IL1RAPL1: variants seen among roughly 807,000 people sequenced by gnomAD.
IL1RAPL1 encodes the protein interleukin 1 receptor accessory protein like 1.
IL1RAPL1 carries 3 observed loss-of-function variants against 48.4 expected under a neutral mutation model. The observed-to-expected ratio is 0.06, with a 90% CI of 0.03 to 0.16. The LOEUF (loss-of-function observed/expected upper bound fraction) is 0.16. Ranked by LOEUF, IL1RAPL1 falls within the 10% of genes least tolerant of loss-of-function variation. The pLI is 1.00. For synonymous variants in IL1RAPL1, 185 were observed against 187.7 expected (o/e 0.99, Z 0.12); for missense variants, 349 against 530.6 (o/e 0.66, Z 3.36).
chrX:28,825,253 A>G (rs184757095), intron 2 of IL1RAPL1, among the ~76,000 whole-genome samples: 1 of 111,836 alleles, frequency 8.9e-6, no homozygotes, highest in Non-Finnish European at 1.9e-5. Flanking sequence ...TGAAGTTGTC[A>G]TGAAAAGGCA....
chrX:29,016,298 A>G (rs1337239088), intron 2 of IL1RAPL1, among the ~76,000 whole-genome samples: 1 of 111,744 alleles, frequency 8.9e-6, no homozygotes, highest in Non-Finnish European at 1.9e-5. Flanking sequence ...TGGCTAATAT[A>G]TAGCTTATAG....
intron 6 of IL1RAPL1, among the ~76,000 whole-genome samples, chrX:29,764,829 T>A (rs1334912243): frequency 8.9e-6 from 1 of 111,832 alleles, no homozygotes; most frequent in Non-Finnish European, 1.9e-5. Context: ...GATGAGGAAG[T>A]CCATTTTATG....
chrX:28,800,822 A>C (rs1277746357), intron 2 of IL1RAPL1, among the ~76,000 whole-genome samples: 1 of 109,799 alleles, frequency 9.1e-6, no homozygotes, highest in Non-Finnish European at 1.9e-5. Context: ...TCAGTATATT[A>C]AAGGGCCTTT....
At chrX:28,780,608 A>G (rs1022168312) in intron 1 of IL1RAPL1, among the ~76,000 whole-genome samples, 3 of 110,558 alleles carry the variant, frequency 2.7e-5, no homozygotes, top group African/African-American at 6.6e-5. Flanking sequence ...ATATAATTTG[A>G]TCCTTTAAAA....
intron 2 of IL1RAPL1, among the ~76,000 whole-genome samples, chrX:29,090,073 C>T (rs1300629688): frequency 9.2e-6 from 1 of 108,310 alleles, no homozygotes; most frequent in Non-Finnish European, 1.9e-5. Flanking sequence ...GTCATCTCAA[C>T]ATTACTGCAT....
intron 2 of IL1RAPL1, among the ~76,000 whole-genome samples, chrX:28,981,436 A>G (rs1490996448): frequency 9.0e-6 from 1 of 111,225 alleles, no homozygotes; most frequent in Non-Finnish European, 1.9e-5. Context: ...TATTTTTTCT[A>G]TTATGCCATA....
chrX:28,805,809 C>T (rs1280829678), intron 2 of IL1RAPL1, among the ~76,000 whole-genome samples: 2 of 110,424 alleles, frequency 1.8e-5, no homozygotes, highest in African/African-American at 3.3e-5. Flanking sequence ...ATAGTATAAG[C>T]TCGTTGAGTA....
intron 1 of IL1RAPL1, among the ~76,000 whole-genome samples, chrX:28,732,214 G>C (rs899428909): frequency 1.8e-5 from 2 of 112,290 alleles, no homozygotes; most frequent in Non-Finnish European, 3.8e-5. Flanking sequence ...CAAATTATGA[G>C]ATCGTTAAAT....
chrX:29,591,779 C>T (rs1305813341), intron 5 of IL1RAPL1, among the ~76,000 whole-genome samples: 1 of 112,711 alleles, frequency 8.9e-6, no homozygotes, highest in Non-Finnish European at 1.9e-5. Context: ...CCCAAGTGGA[C>T]TCAATCTTTG....
intron 2 of IL1RAPL1, among the ~76,000 whole-genome samples, chrX:28,838,429 C>T (rs1470794889): frequency 2.7e-5 from 3 of 110,461 alleles, no homozygotes; most frequent in Non-Finnish European, 5.7e-5. Flanking sequence ...TGGAAATAAC[C>T]GGAAGTAAAA....
At chrX:29,837,105 AAAAC>A (rs1931024382) in intron 6 of IL1RAPL1, among the ~76,000 whole-genome samples, 1 of 106,785 alleles carries the variant, frequency 9.4e-6, no homozygotes, top group Non-Finnish European at 1.9e-5. Flanking sequence ...TAAAAATACA[AAAAC>A]AAAATTAGCC....
At chrX:29,133,646 A>G (rs1173142213) in intron 2 of IL1RAPL1, among the ~76,000 whole-genome samples, 1 of 111,783 alleles carries the variant, frequency 8.9e-6, no homozygotes, top group African/African-American at 3.2e-5. Flanking sequence ...TAAATTTGTT[A>G]CAATTGATGG....
At chrX:28,798,440 A>C (rs1235574813) in intron 2 of IL1RAPL1, among the ~76,000 whole-genome samples, 1 of 111,279 alleles carries the variant, frequency 9.0e-6, no homozygotes, top group Non-Finnish European at 1.9e-5. Flanking sequence ...TGACCCTTCT[A>C]CCTCTCTCTT....
intron 2 of IL1RAPL1, among the ~76,000 whole-genome samples, chrX:28,918,209 A>G (rs1022804668): frequency 4.5e-5 from 5 of 112,080 alleles, no homozygotes; most frequent in African/African-American, 1.6e-4. Context: ...ATATCTTATT[A>G]TATTAAACAT....
At chrX:28,982,182 G>A (rs1404840040) in intron 2 of IL1RAPL1, among the ~76,000 whole-genome samples, 1 of 111,755 alleles carries the variant, frequency 8.9e-6, no homozygotes, top group Non-Finnish European at 1.9e-5. Context: ...TTCAGTGTAG[G>A]TGCTGTGTAT....
At chrX:29,824,148 A>G (rs141945107) in intron 6 of IL1RAPL1, among the ~76,000 whole-genome samples, 2,430 of 111,589 alleles carry the variant, frequency 0.022, 73 homozygotes, top group African/African-American at 0.073. Flanking sequence ...CTGTTTTGAT[A>G]AGCTCCACTA....
At chrX:29,239,302 T>C (rs1009996624) in intron 2 of IL1RAPL1, among the ~76,000 whole-genome samples, 4 of 112,489 alleles carry the variant, frequency 3.6e-5, no homozygotes, top group Non-Finnish European at 7.5e-5. Context: ...ACTGCTTTCT[T>C]ATGTGATAGA....
At position 29,019,537 on chromosome X, in the gene IL1RAPL1, CTG is replaced by C. The variant is rs201136401; in HGVS notation, c.82+230116_82+230117del. Among the ~76,000 whole-genome samples the C allele has an allele frequency of 5.0e-3, 556 of 111,010 alleles. 2 individuals are homozygous for C. Among genetic ancestry groups the C allele is most frequent in the African/African-American group, 0.018 (537 of 30,495 alleles). On this transcript the variant is annotated intron_variant, in intron 2 of 10. Transcript: ENST00000378993. Reference sequence around the variant, plus strand: ...CTTGCTTTGGTGACTGGGTAGATGACTGTGTTATCAACAAGATGGAGATCACC... The same window carrying C: ...CTTGCTTTGGTGACTGGGTAGATGACTGTTATCAACAAGATGGAGATCACC...
intron 6 of IL1RAPL1, among the ~76,000 whole-genome samples, chrX:29,880,169 C>T (rs1931996151): frequency 1.8e-5 from 2 of 111,326 alleles, no homozygotes; most frequent in South Asian, 7.5e-4. Context: ...AATATTTTTT[C>T]CTTTGCTACA....
Sources: allele counts gnomAD v4.1 joint callset (sites outside exome capture counted in the v4.1 genomes callset), GRCh38; gene constraint gnomAD v4.1.1; transcripts MANE v1.5; gene names NCBI Gene and HGNC (gene_info 2026-07-23, HGNC 2026-07-21).